TMEM132D: variants seen among roughly 807,000 people sequenced by gnomAD.
TMEM132D encodes transmembrane protein 132D.
Under a neutral mutation model 62.3 loss-of-function variants are expected in TMEM132D, and 21 were observed. The observed-to-expected ratio is 0.34, with a 90% CI of 0.24 to 0.49. TMEM132D has a LOEUF of 0.49. Among genes scored for constraint, TMEM132D ranks in the 20% least tolerant of loss-of-function variants. TMEM132D has a pLI of 0.99. For missense variants in TMEM132D, 1,346 were observed against 1,402.8 expected, an observed-to-expected ratio of 0.96 and a Z score of 0.65; for synonymous variants, 621 against 575.6, an observed-to-expected ratio of 1.08 and a Z score of -1.13.
chr12:129,861,487 C>G (rs1045453332), intron 1 of TMEM132D, among the ~76,000 whole-genome samples: 9 of 152,116 alleles, frequency 5.9e-5, no homozygotes, highest in Non-Finnish European at 1.2e-4. Context: ...CAGGCTGGGC[C>G]CAGTGGCTCA....
chr12:129,544,755 A>AG (rs1876684780), intron 2 of TMEM132D, among the ~76,000 whole-genome samples: 1 of 152,224 alleles, frequency 6.6e-6, no homozygotes, highest in South Asian at 2.1e-4. Flanking sequence ...AAACTCACAG[A>AG]AGACTATCAA....
intron 1 of TMEM132D, among the ~76,000 whole-genome samples, chr12:129,728,903 T>A (rs186060955): frequency 2.6e-5 from 4 of 152,304 alleles, no homozygotes; most frequent in African/African-American, 7.2e-5. Context: ...CAGCAGATAT[T>A]ACCAGCTGAA....
At chr12:129,682,482 G>C (rs900048127) in intron 2 of TMEM132D, among the ~76,000 whole-genome samples, 2 of 152,112 alleles carry the variant, frequency 1.3e-5, no homozygotes, top group African/African-American at 4.8e-5. Flanking sequence ...GGCAAACACA[G>C]CCCTTTTGTT....
chr12:129,699,646 G>A (rs897910737), intron 2 of TMEM132D, among the ~76,000 whole-genome samples, 164 bp downstream of exon 2: 2 of 152,186 alleles, frequency 1.3e-5, no homozygotes, highest in Non-Finnish European at 2.9e-5. Context: ...AACCCGGAAC[G>A]ATCAGACTGG....
chr12:129,484,937 C>A (rs1005235600), intron 3 of TMEM132D, among the ~76,000 whole-genome samples: 1 of 152,162 alleles, frequency 6.6e-6, no homozygotes, highest in African/African-American at 2.4e-5. Context: ...GCCCCTGGGC[C>A]AATGTTTTAG....
intron 4 of TMEM132D, among the ~76,000 whole-genome samples, chr12:129,226,108 G>C (rs775755505): frequency 6.6e-6 from 1 of 152,126 alleles, no homozygotes; most frequent in South Asian, 2.1e-4. Context: ...TGTTATTTTC[G>C]CATCATGTGT....
intron 1 of TMEM132D, among the ~76,000 whole-genome samples, chr12:129,740,834 T>G (rs934965294): frequency 6.6e-6 from 1 of 152,210 alleles, no homozygotes; most frequent in Admixed American, 6.5e-5. Context: ...ATAAAGTAAG[T>G]TGATGGTGCA....
intron 4 of TMEM132D, among the ~76,000 whole-genome samples, chr12:129,236,514 C>CAAAAAAA (rs60745384): frequency 3.0e-5 from 2 of 67,086 alleles, no homozygotes; most frequent in African/African-American, 1.1e-4. Flanking sequence ...GACTCCATCT[C>CAAAAAAA]AAAAAAAAAA....
At chr12:129,814,708 G>A (rs1337571267) in intron 1 of TMEM132D, among the ~76,000 whole-genome samples, 5 of 151,154 alleles carry the variant, frequency 3.3e-5, no homozygotes, top group Non-Finnish European at 5.9e-5. Flanking sequence ...CTTCTTCCAA[G>A]CCTTCCTTTG....
chr12:129,420,517 A>T (rs1464216540), intron 3 of TMEM132D, among the ~76,000 whole-genome samples: 1 of 152,018 alleles, frequency 6.6e-6, no homozygotes, highest in African/African-American at 2.4e-5. Flanking sequence ...CAGGGGAAAA[A>T]TTCTACCCAA....
intron 1 of TMEM132D, among the ~76,000 whole-genome samples, chr12:129,749,288 C>T (rs1006458338): frequency 2.8e-4 from 43 of 152,130 alleles, no homozygotes; most frequent in Admixed American, 2.0e-3. Context: ...CTAGAGCCTC[C>T]TCGCTGAACT....
intron 1 of TMEM132D, among the ~76,000 whole-genome samples, chr12:129,772,282 T>C (rs968955133): frequency 6.6e-6 from 1 of 152,154 alleles, no homozygotes; most frequent in African/African-American, 2.4e-5. Context: ...AAAAATTCAA[T>C]AGTATAATTT....
chr12:129,675,368 T>C (rs1880601738), intron 2 of TMEM132D, among the ~76,000 whole-genome samples: 1 of 133,518 alleles, frequency 7.5e-6, no homozygotes, highest in Non-Finnish European at 1.6e-5. Flanking sequence ...CACCGGGGCC[T>C]GTCGGGGGGT....
chr12:129,567,702 C>G (rs1429589764), intron 2 of TMEM132D, among the ~76,000 whole-genome samples: 8 of 152,092 alleles, frequency 5.3e-5, no homozygotes, highest in Non-Finnish European at 1.2e-4. Context: ...AAAATTACAT[C>G]ATTTATGTTA....
chr12:129,116,817 G>A (rs1875904884), intron 5 of TMEM132D, among the ~76,000 whole-genome samples: 2 of 146,144 alleles, frequency 1.4e-5, no homozygotes, highest in Non-Finnish European at 1.5e-5. Context: ...CAGCCACTTT[G>A]GAAGACAGTT....
chr12:129,127,870 G>A (rs149776644), intron 5 of TMEM132D, among the ~76,000 whole-genome samples: 18 of 152,294 alleles, frequency 1.2e-4, no homozygotes, highest in African/African-American at 1.7e-4. Context: ...CAGGGCCAGC[G>A]GCCTGCAGAC....
At chr12:129,683,272 T>A (rs1454942004) in intron 2 of TMEM132D, among the ~76,000 whole-genome samples, 1 of 152,228 alleles carries the variant, frequency 6.6e-6, no homozygotes, top group African/African-American at 2.4e-5. Context: ...TTAAATTCTC[T>A]TATAAACTAT....
chr12:129,378,239 C>T (rs1870840357), intron 3 of TMEM132D, among the ~76,000 whole-genome samples: 1 of 152,210 alleles, frequency 6.6e-6, no homozygotes, highest in African/African-American at 2.4e-5. Flanking sequence ...CTGGTGAGAA[C>T]ATGCACGTGG....
At chr12:129,351,799 T>C (rs1170577061) in intron 3 of TMEM132D, among the ~76,000 whole-genome samples, 1 of 152,214 alleles carries the variant, frequency 6.6e-6, no homozygotes, top group Non-Finnish European at 1.5e-5. Flanking sequence ...CTTTCTTAAA[T>C]TGGAAACTTG....
Sources: allele counts gnomAD v4.1 joint callset (sites outside exome capture counted in the v4.1 genomes callset), GRCh38; gene constraint gnomAD v4.1.1; transcripts MANE v1.5; gene names NCBI Gene and HGNC (gene_info 2026-07-23, HGNC 2026-07-21).